UGT2B7: variants seen among roughly 807,000 people sequenced by gnomAD.
The protein encoded by UGT2B7 is UDP-glucuronosyltransferase 2B7.
A neutral mutation model predicts 51.9 loss-of-function variants in UGT2B7; 51 were observed. The ratio of observed to expected loss-of-function variants is 0.98; its 90% CI spans 0.78 to 1.24. The LOEUF is 1.24. UGT2B7 is among the 50% of genes most tolerant of loss of function. UGT2B7 has a pLI of 0.00. For synonymous variants in UGT2B7, 225 were observed against 211.6 expected, an observed-to-expected ratio of 1.06 and a Z score of -0.55; for missense variants, 727 against 628.4, an observed-to-expected ratio of 1.16 and a Z score of -1.68.
chr4:69,085,210 C>G (rs748185066), intron 1 of UGT2B7, among the ~76,000 whole-genome samples: 14 of 152,114 alleles, frequency 9.2e-5, no homozygotes, highest in Admixed American at 5.9e-4. Context: ...TTGCATTTCT[C>G]TAATGATAAT....
intron 1 of UGT2B7, among the ~76,000 whole-genome samples, chr4:69,053,824 C>T (rs1200899887): frequency 5.3e-5 from 8 of 152,268 alleles, no homozygotes; most frequent in African/African-American, 1.7e-4. Flanking sequence ...TGGACCTTTA[C>T]TAGGTACTCT....
chr4:69,074,885 A>AT (rs1256018833), intron 1 of UGT2B7, among the ~76,000 whole-genome samples: 2 of 152,148 alleles, frequency 1.3e-5, no homozygotes, highest in Admixed American at 1.3e-4. Context: ...TTTTGACATC[A>AT]TTTTTTAATG....
intron 1 of UGT2B7, among the ~76,000 whole-genome samples, chr4:69,089,253 AATT>A (rs1312689178): frequency 5.9e-5 from 9 of 152,150 alleles, no homozygotes; most frequent in African/African-American, 2.2e-4. Flanking sequence ...TGTTCTGTAT[AATT>A]ATTTGTGTAC....
chr4:69,091,331 T>G (rs1398173710), intron 2 of UGT2B7, among the ~76,000 whole-genome samples: 4 of 152,208 alleles, frequency 2.6e-5, no homozygotes, highest in Non-Finnish European at 5.9e-5. Context: ...CCTTTGGGTT[T>G]TGTGTGGAAT....
upstream of UGT2B7, among the ~76,000 whole-genome samples, chr4:69,094,572 T>C (rs1719169148): frequency 6.6e-6 from 1 of 152,248 alleles, no homozygotes; most frequent in Admixed American, 6.5e-5. Flanking sequence ...AAAGTGCTAA[T>C]GATCATCTGA....
At chr4:69,102,097 A>T (rs1470129726) in intron 2 of UGT2B7, among the ~76,000 whole-genome samples, 1 of 152,220 alleles carries the variant, frequency 6.6e-6, no homozygotes, top group African/African-American at 2.4e-5. Flanking sequence ...ATTCTGTATG[A>T]TAAATGAGAC....
At chr4:69,092,976 A>C (rs998341818), upstream of UGT2B7, among the ~76,000 whole-genome samples, 5 of 152,000 alleles carry the variant, frequency 3.3e-5, no homozygotes, top group Admixed American at 1.3e-4. Flanking sequence ...AAAAAAAAAA[A>C]AACAATATTA....
chr4:69,088,991 A>C (rs951029119), intron 1 of UGT2B7, among the ~76,000 whole-genome samples: 2 of 152,124 alleles, frequency 1.3e-5, no homozygotes, highest in African/African-American at 2.4e-5. Flanking sequence ...TTTACAGATC[A>C]TGAGTTTTCC....
intron 1 of UGT2B7, among the ~76,000 whole-genome samples, chr4:69,069,078 TA>T (rs1203351921): frequency 7.6e-6 from 1 of 130,920 alleles, no homozygotes; most frequent in African/African-American, 2.8e-5. Flanking sequence ...AATTTAACAA[TA>T]AAAAAACTTG....
chr4:69,064,633 C>T (rs920715639), intron 1 of UGT2B7, among the ~76,000 whole-genome samples: 15 of 152,314 alleles, frequency 9.8e-5, no homozygotes, highest in African/African-American at 3.6e-4. Flanking sequence ...TGTAAGCCTA[C>T]ATCAAGTTAG....
rs376632240 is a variant in UGT2B7 at position 69,097,206 on chromosome 4, T to C, written c.686T>C (p.Met229Thr). 5 of 1,612,562 alleles carry C rather than the reference T, an allele frequency of 3.1e-6. No homozygotes were observed. Among genetic ancestry groups the C allele is most frequent in the Non-Finnish European group, 3.4e-6 (4 of 1,179,298 alleles). The change falls in exon 1 of 6, where the codon ATG becomes ACG. Residue 229 changes from methionine (M) to threonine (T), a missense_variant. Coordinates refer to ENST00000305231, the MANE Select transcript of UGT2B7 (RefSeq NM_001074.4). ...YFDFWFEIFD[M>T]KKWDQFYSEV... ...GACTTTTGGTTCGAAATATTTGACA[T>C]GAAGAAGTGGGATCAGTTTTATAGT...
In UGT2B7 at chr4:69,111,373, A is replaced by G. The variant is rs1033910189; in HGVS notation, c.1311-1084A>G. On this transcript the variant is annotated intron_variant, in intron 5 of 5. Coordinates refer to ENST00000305231, the MANE Select transcript of UGT2B7 (RefSeq NM_001074.4). Reference sequence around the variant, plus strand: ...AAATCATTCTGGCTACAGGGTGGGAAAGAGTAGGAGACAAAAGAGTAATGT... The same window carrying G: ...AAATCATTCTGGCTACAGGGTGGGAGAGAGTAGGAGACAAAAGAGTAATGT... Among the ~76,000 whole-genome samples, 9 of 152,296 alleles carry G rather than the reference A, an allele frequency of 5.9e-5. 1 individual carries two copies. Among genetic ancestry groups the G allele is most frequent in the African/African-American group, 1.9e-4 (8 of 41,574 alleles).
At chr4:69,052,794 G>C (rs1292963201) in intron 1 of UGT2B7, among the ~76,000 whole-genome samples, 1 of 152,058 alleles carries the variant, frequency 6.6e-6, no homozygotes, top group Non-Finnish European at 1.5e-5. Context: ...TTGGCCTCTT[G>C]AGTACTATTG....
intron 3 of UGT2B7, 89 bp downstream of exon 3, chr4:69,103,027 T>A: frequency 6.5e-7 from 1 of 1,538,776 alleles, no homozygotes; most frequent in South Asian, 1.2e-5. Context: ...TTCTGATAAA[T>A]GTGAAGTTGA....
chr4:69,084,330 T>TTCTCTCTCTCTCTCACTCTC, intron 1 of UGT2B7, among the ~76,000 whole-genome samples: 1 of 148,234 alleles, frequency 6.7e-6, no homozygotes. Context: ...TCTATAAATT[T>TTCTCTCTCTCTCTCACTCTC]TCTCTCTCTC....
intron 5 of UGT2B7, among the ~76,000 whole-genome samples, chr4:69,111,474 T>A (rs1206380985): frequency 6.6e-6 from 1 of 152,130 alleles, no homozygotes; most frequent in Non-Finnish European, 1.5e-5. Flanking sequence ...GAGATGATAA[T>A]TCTCATATTG....
chr4:69,080,511 A>G (rs28712409), intron 1 of UGT2B7, among the ~76,000 whole-genome samples: 91,447 of 150,206 alleles, frequency 0.61, 28,942 homozygotes, highest in African/African-American at 0.75. Flanking sequence ...TCGCAGCACT[A>G]CACTCTGGCC....
chr4:69,059,643 A>ACTGGGAGCAAC (rs149855137), intron 1 of UGT2B7, among the ~76,000 whole-genome samples: 92,936 of 151,656 alleles, frequency 0.61, 29,962 homozygotes, highest in African/African-American at 0.8. Context: ...TAGAGTTAAA[A>ACTGGGAGCAAC]TCCAGTTCAG....
chr4:69,084,849 C>G (rs541766313), intron 1 of UGT2B7, among the ~76,000 whole-genome samples: 5 of 152,130 alleles, frequency 3.3e-5, no homozygotes, highest in Non-Finnish European at 7.4e-5. Context: ...GCCACATTTT[C>G]TTTGTCCAGT....
Sources: allele counts gnomAD v4.1 joint callset (sites outside exome capture counted in the v4.1 genomes callset), GRCh38; gene constraint gnomAD v4.1.1; transcripts MANE v1.5; gene names NCBI Gene and HGNC (gene_info 2026-07-23, HGNC 2026-07-21).